The following RPS6KA2 variants were observed in gnomAD, a reference collection of about 807,000 sequenced individuals.
The protein encoded by RPS6KA2 is ribosomal protein S6 kinase A2, also known as ribosomal protein S6 kinase alpha-2.
A neutral mutation model predicts 91.8 loss-of-function variants in RPS6KA2; 42 were observed. The ratio of observed to expected loss-of-function variants is 0.46; its 90% CI spans 0.36 to 0.59. The LOEUF (loss-of-function observed/expected upper bound fraction) is 0.59. RPS6KA2 is among the 20% of genes least tolerant of loss of function. The pLI is 0.00. For synonymous variants in RPS6KA2, 414 were observed against 393.6 expected (o/e 1.05, Z -0.61); for missense variants, 798 against 978.5 (o/e 0.82, Z 2.46).
rs763160326 is a variant in RPS6KA2 at position 166,448,898 on chromosome 6, G to A, written c.1207-49C>T. 1.9e-6 allele frequency: 3 copies of A among 1,605,832 alleles called. No homozygotes were observed. Among genetic ancestry groups the A allele is most frequent in the Admixed American group, 1.7e-5 (1 of 59,764 alleles). On this transcript the variant is annotated intron_variant, in intron 13 of 20. Coordinates refer to ENST00000265678, the MANE Select transcript of RPS6KA2 (RefSeq NM_021135.6). The surrounding 1 kb of genome is among the most constrained non-coding windows in gnomAD (Gnocchi z 4.7). ...GAGTTGTCGGAACCCTCACACGAGG[G>A]GACGGTGCAGCTACACGCACACAGA...
intron 3 of RPS6KA2, among the ~76,000 whole-genome samples, chr6:166,516,432 G>T (rs1194383877): frequency 6.6e-6 from 1 of 152,190 alleles, no homozygotes; most frequent in African/African-American, 2.4e-5. Flanking sequence ...CAGGGGTGGG[G>T]GAGGCAGGAG....
At position 166,412,660 on chromosome 6, in the gene RPS6KA2, G is replaced by T; in HGVS notation, c.*102C>A. The T allele has an allele frequency of 8.1e-7, 1 of 1,238,004 alleles. No individual in the cohort carries two copies. The highest frequency in any genetic ancestry group is 1.1e-6 in the Non-Finnish European group (1 of 912,616). 76.7% of individuals were successfully genotyped at this position (1,238,004 alleles called of 1,614,324 possible). ...CGGCGAGGGCGGGCGCCGCCTCCCT[G>T]CTGGACTTGTGGTCACTCTGGGTGC... is the stretch of plus-strand genomic sequence containing the variant. On this transcript the variant is annotated 3_prime_UTR_variant, in exon 21 of 21. Coordinates refer to ENST00000265678, the MANE Select transcript of RPS6KA2 (RefSeq NM_021135.6). The surrounding 1 kb of genome is among the most constrained non-coding windows in gnomAD (Gnocchi z 4.3).
intron 2 of RPS6KA2, among the ~76,000 whole-genome samples, chr6:166,758,959 A>G (rs931200905): frequency 1.3e-5 from 2 of 152,234 alleles, no homozygotes; most frequent in Admixed American, 1.3e-4. Flanking sequence ...GGTTCTACCA[A>G]AACAACTTTT....
At chr6:166,586,561 TC>T (rs1785181194) in intron 1 of RPS6KA2, 1 of 1,371,728 alleles carries the variant, frequency 7.3e-7, no homozygotes, top group Non-Finnish European at 9.9e-7. Context: ...TCTATCCAGC[TC>T]AGGCCGAACC....
intron 2 of RPS6KA2, among the ~76,000 whole-genome samples, chr6:166,707,253 C>G (rs900167990): frequency 6.6e-6 from 1 of 152,204 alleles, no homozygotes; most frequent in Non-Finnish European, 1.5e-5. Context: ...GACGGCAGCC[C>G]GGCAGCCACG....
At chr6:166,823,750 G>A (rs538849471) in intron 2 of RPS6KA2, among the ~76,000 whole-genome samples, 2 of 152,290 alleles carry the variant, frequency 1.3e-5, no homozygotes, top group Admixed American at 1.3e-4. Context: ...TTTCACAGGA[G>A]AGGAATCGGA....
chr6:166,499,371 CT>C, intron 7 of RPS6KA2, among the ~76,000 whole-genome samples: 1 of 152,334 alleles, frequency 6.6e-6, no homozygotes, highest in Non-Finnish European at 1.5e-5. Context: ...GTCCTTGCCC[CT>C]GAGCCTGGGA....
intron 2 of RPS6KA2, among the ~76,000 whole-genome samples, chr6:166,783,832 G>A (rs1214121989): frequency 1.3e-5 from 1 of 74,414 alleles, no homozygotes; most frequent in Non-Finnish European, 3.2e-5. Flanking sequence ...ATATGCACAC[G>A]TGCACACCTA....
chr6:166,853,586 G>A (rs531952925), intron 2 of RPS6KA2, among the ~76,000 whole-genome samples: 6 of 151,434 alleles, frequency 4.0e-5, no homozygotes, highest in South Asian at 2.1e-4. Flanking sequence ...CTGGCCGAGC[G>A]CAGCCGCCGC....
At chr6:166,482,180 T>C (rs960912181) in intron 10 of RPS6KA2, among the ~76,000 whole-genome samples, 1 of 152,252 alleles carries the variant, frequency 6.6e-6, no homozygotes, top group Non-Finnish European at 1.5e-5. Context: ...TCTTAAAGTA[T>C]GTGCTGCAGC....
chr6:166,553,687 C>T (rs73036826), intron 1 of RPS6KA2, among the ~76,000 whole-genome samples: 15,749 of 151,938 alleles, frequency 0.1, 1,072 homozygotes, highest in East Asian at 0.24. Flanking sequence ...ATCACACGTG[C>T]GGCTCATCCC....
chr6:166,614,899 T>C (rs1361933776), intron 1 of RPS6KA2, among the ~76,000 whole-genome samples: 2 of 152,078 alleles, frequency 1.3e-5, no homozygotes, highest in African/African-American at 2.4e-5. Flanking sequence ...CATCTCCAGG[T>C]CCTTAACTTG....
chr6:166,739,209 A>T (rs954399187), intron 2 of RPS6KA2, among the ~76,000 whole-genome samples: 4 of 152,236 alleles, frequency 2.6e-5, no homozygotes, highest in African/African-American at 4.8e-5. Context: ...TGGCTTTGAC[A>T]ATTTTAACAT....
intron 12 of RPS6KA2, 46 bp from the exon 13 acceptor site, chr6:166,451,279 A>AC: frequency 1.2e-6 from 2 of 1,607,718 alleles, no homozygotes; most frequent in Non-Finnish European, 1.7e-6. Flanking sequence ...AAGCTGGGTG[A>AC]CCCTGGGGTG....
chr6:166,465,209 A>G (rs1265073738), intron 11 of RPS6KA2: 1 of 152,236 alleles, frequency 6.6e-6, no homozygotes, highest in East Asian at 1.9e-4. Context: ...TTTGGTGTTA[A>G]CAGTTCTTGC....
intron 1 of RPS6KA2, among the ~76,000 whole-genome samples, chr6:166,860,127 G>A (rs1781010770): frequency 1.4e-5 from 1 of 70,392 alleles, no homozygotes; most frequent in Admixed American, 2.1e-4. Context: ...GGATTTTGTG[G>A]ATTTGGAAAT....
Position 166,806,479 on chromosome 6 carries a change from G to A in RPS6KA2, c.123+51721C>T, listed in dbSNP as rs955928189. On this transcript the variant is annotated intron_variant, in intron 2 of 21. Coordinates refer to the RPS6KA2 transcript ENST00000503859. ...AAGGCAGCGAGTTAATATATTCAAA[G>A]TGCTAAAAAATTAAATTAAAAACCC... 9.9e-5 allele frequency among the ~76,000 whole-genome samples: 15 copies of A among 152,232 alleles called. No homozygotes were observed. The East Asian group carries it at 2.3e-3, about 23-fold the overall frequency.
chr6:166,415,888 T>C (rs1361446524), intron 19 of RPS6KA2, among the ~76,000 whole-genome samples: 2 of 141,182 alleles, frequency 1.4e-5, no homozygotes, highest in East Asian at 2.3e-4. Context: ...ATCTTCACCA[T>C]CACCTCCACA....
chr6:166,743,367 A>G (rs1448914523), intron 2 of RPS6KA2, among the ~76,000 whole-genome samples: 1 of 152,226 alleles, frequency 6.6e-6, no homozygotes, highest in East Asian at 1.9e-4. Context: ...ACATGCCCAC[A>G]GAACGCCCAG....
Sources: gnomAD v4.1 joint callset for allele counts (sites outside exome capture counted in the v4.1 genomes callset) on GRCh38, gnomAD v4.1.1 for gene constraint, Gnocchi (gnomAD v3.1) non-coding constraint, MANE v1.5 for transcripts, NCBI Gene and HGNC (gene_info 2026-07-23, HGNC 2026-07-21) for gene names.